Variants in FBXL7 observed in about 807,000 individuals in gnomAD.
The protein encoded by FBXL7 is F-box and leucine rich repeat protein 7, also known as F-box/LRR-repeat protein 7.
Under a neutral mutation model 38.3 loss-of-function variants are expected in FBXL7, and 12 were observed. The ratio of observed to expected loss-of-function variants is 0.31; its 90% CI spans 0.20 to 0.51. The LOEUF (loss-of-function observed/expected upper bound fraction) is 0.51, where lower values mean the gene tolerates loss of function less well. Among genes scored for constraint, FBXL7 ranks in the 20% least tolerant of loss-of-function variants. The probability of loss-of-function intolerance (pLI) is 0.98; values close to 1 mark genes in which losing one functional copy is unlikely to be tolerated. For synonymous variants in FBXL7, 297 were observed against 300.9 expected (o/e 0.99, Z 0.13); for missense variants, 567 against 676.4 (o/e 0.84, Z 1.79).
intron 2 of FBXL7, among the ~76,000 whole-genome samples, chr5:15,901,318 TAGA>T (rs1223404376): frequency 1.3e-5 from 2 of 152,198 alleles, no homozygotes; most frequent in African/African-American, 4.8e-5. Flanking sequence ...CTTCACGTGG[TAGA>T]AGAAGGGCAA....
intron 2 of FBXL7, among the ~76,000 whole-genome samples, chr5:15,687,399 A>T (rs762870632): frequency 2.0e-5 from 3 of 152,182 alleles, no homozygotes; most frequent in Non-Finnish European, 4.4e-5. Flanking sequence ...CTCACTCCCC[A>T]CTTAGAACCT....
At chr5:15,852,953 T>C (rs1208720005) in intron 2 of FBXL7, among the ~76,000 whole-genome samples, 1 of 152,156 alleles carries the variant, frequency 6.6e-6, no homozygotes, top group African/African-American at 2.4e-5. Flanking sequence ...ACAAATACAG[T>C]CACTTATGGA....
chr5:15,856,745 T>A (rs1339240822), intron 2 of FBXL7, among the ~76,000 whole-genome samples: 2 of 152,040 alleles, frequency 1.3e-5, no homozygotes, highest in Non-Finnish European at 2.9e-5. Flanking sequence ...TCCTTCCTTT[T>A]TTTTCTTTCT....
intron 2 of FBXL7, among the ~76,000 whole-genome samples, chr5:15,651,395 A>G (rs1012649343): frequency 1.3e-5 from 2 of 152,144 alleles, no homozygotes; most frequent in East Asian, 3.9e-4. Flanking sequence ...GTGCCCGGCC[A>G]ACATACTTCT....
intron 2 of FBXL7, among the ~76,000 whole-genome samples, chr5:15,886,720 G>T (rs181414594): frequency 1.3e-5 from 2 of 152,246 alleles, no homozygotes; most frequent in Non-Finnish European, 2.9e-5. Flanking sequence ...CAGTGTACAC[G>T]GAGCCAAGGA....
At chr5:15,700,731 C>CT in intron 2 of FBXL7, among the ~76,000 whole-genome samples, 1 of 152,240 alleles carries the variant, frequency 6.6e-6, no homozygotes, top group Non-Finnish European at 1.5e-5. Context: ...TTGGTTGATA[C>CT]TTTTTGGATA....
intron 2 of FBXL7, among the ~76,000 whole-genome samples, chr5:15,759,196 A>G (rs1318996451): frequency 1.3e-5 from 2 of 152,164 alleles, no homozygotes; most frequent in Admixed American, 6.6e-5. Flanking sequence ...TTGCAATAAG[A>G]TTGTGTCAGA....
intron 2 of FBXL7, among the ~76,000 whole-genome samples, chr5:15,839,641 CTCTTT>C (rs1406491912): frequency 1.3e-5 from 2 of 152,082 alleles, no homozygotes; most frequent in Non-Finnish European, 2.9e-5. Flanking sequence ...GATATTTGTT[CTCTTT>C]TATTTATTTA....
intron 2 of FBXL7, among the ~76,000 whole-genome samples, chr5:15,760,567 T>C (rs1231741309): frequency 6.6e-6 from 1 of 152,152 alleles, no homozygotes; most frequent in Non-Finnish European, 1.5e-5. Context: ...AAATAAACTC[T>C]TTTTGACTTC....
At chr5:15,597,973 C>T (rs1739674465) in intron 1 of FBXL7, among the ~76,000 whole-genome samples, 1 of 152,180 alleles carries the variant, frequency 6.6e-6, no homozygotes, top group African/African-American at 2.4e-5. Flanking sequence ...CTTAATGTAT[C>T]TCCTTTTATA....
Position 15,927,764 on chromosome 5 carries a change from T to TAAAAAAAAAAAAAA in FBXL7, c.128-116_128-103dup, listed in dbSNP as rs753935096. On this transcript the variant is annotated intron_variant, in intron 2 of 3. Coordinates refer to ENST00000504595, the MANE Select transcript of FBXL7 (RefSeq NM_012304.5). ...CACTCCCGCCTGGGCGACAAGATCT[T>TAAAAAAAAAAAAAA]AAAAAAAAAAAAAAAAAAAAAAAGA... The TAAAAAAAAAAAAAA allele has an allele frequency of 2.9e-4, 134 of 456,740 alleles. 1 individual carries two copies. The highest frequency in any genetic ancestry group is 2.1e-3 in the African/African-American group (57 of 27,390). The allele number at this position is 456,740 out of a possible 1,614,324, so 28.3% of individuals were successfully genotyped here. A position where few individuals can be genotyped will look rare whatever the true frequency, so the allele number is the denominator to read the frequency against.
intron 2 of FBXL7, among the ~76,000 whole-genome samples, chr5:15,729,670 A>C (rs1270505487): frequency 2.6e-5 from 4 of 152,130 alleles, no homozygotes; most frequent in African/African-American, 9.7e-5. Flanking sequence ...TATAGACAAA[A>C]ATTTTTAATT....
intron 2 of FBXL7, among the ~76,000 whole-genome samples, chr5:15,869,930 T>A (rs1739880844): frequency 6.6e-6 from 1 of 152,064 alleles, no homozygotes; most frequent in African/African-American, 2.4e-5. Flanking sequence ...GGCAACATGA[T>A]GAAATCCTGT....
At chr5:15,513,766 T>A (rs1736862918) in intron 1 of FBXL7, among the ~76,000 whole-genome samples, 2 of 152,242 alleles carry the variant, frequency 1.3e-5, no homozygotes, top group Admixed American at 6.5e-5. Context: ...AAAAGATTTA[T>A]GTAGCTTCAT....
intron 1 of FBXL7, among the ~76,000 whole-genome samples, chr5:15,586,306 C>G (rs1023242861): frequency 3.1e-5 from 4 of 129,860 alleles, no homozygotes; most frequent in East Asian, 2.7e-4. Context: ...TCTCTCCCCC[C>G]TCACCTCCCC....
Position 15,557,091 on chromosome 5 carries a change from C to T in FBXL7, c.37+56378C>T, listed in dbSNP as rs576119190. ...TAGCTGGGACTACAGGTGTCCACCA[C>T]CACGCCTGGCTAATTTTTTTGTATT... On this transcript the variant is annotated intron_variant, in intron 1 of 3. Transcript: ENST00000504595. Among the ~76,000 whole-genome samples the T allele has an allele frequency of 2.0e-5, 3 of 152,322 alleles. No individual in the cohort carries two copies. The East Asian group carries it at 5.8e-4, about 29-fold the overall frequency.
At chr5:15,884,306 TC>T (rs1043203630) in intron 2 of FBXL7, among the ~76,000 whole-genome samples, 22 of 151,808 alleles carry the variant, frequency 1.4e-4, no homozygotes, top group African/African-American at 4.4e-4. Context: ...TCGCTCTGTC[TC>T]CCAGGCTGGA....
chr5:15,611,216 C>T (rs1740221863), intron 1 of FBXL7, among the ~76,000 whole-genome samples: 2 of 152,072 alleles, frequency 1.3e-5, no homozygotes, highest in Non-Finnish European at 2.9e-5. Flanking sequence ...GCAACACACA[C>T]CTTCCCATAT....
At chr5:15,502,497 A>T (rs1235559347) in intron 1 of FBXL7, among the ~76,000 whole-genome samples, 2 of 152,180 alleles carry the variant, frequency 1.3e-5, no homozygotes, top group East Asian at 1.9e-4. Flanking sequence ...ATTTAGATGC[A>T]CTGTGGACTT....
Sources: allele counts gnomAD v4.1 joint callset (sites outside exome capture counted in the v4.1 genomes callset), GRCh38; gene constraint gnomAD v4.1.1; transcripts MANE v1.5; gene names NCBI Gene and HGNC (gene_info 2026-07-23, HGNC 2026-07-21).